SAMHD1: variants seen among roughly 807,000 people sequenced by gnomAD.
SAMHD1 encodes the protein deoxynucleoside triphosphate triphosphohydrolase SAMHD1.
In SAMHD1, 54 loss-of-function variants were observed where a neutral mutation model predicts 79.6. The observed-to-expected ratio is 0.68, with a 90% CI of 0.55 to 0.85. The LOEUF is 0.85. Ranked by LOEUF, SAMHD1 falls within the 40% of genes least tolerant of loss-of-function variation. SAMHD1 has a pLI of 0.00. For missense variants in SAMHD1, 663 were observed against 782.7 expected (o/e 0.85, Z 1.82); for synonymous variants, 260 against 264.1 (o/e 0.98, Z 0.15).
At chr20:36,902,802 A>C (rs1990329547) in intron 13 of SAMHD1, among the ~76,000 whole-genome samples, 1 of 150,512 alleles carries the variant, frequency 6.6e-6, no homozygotes, top group Non-Finnish European at 1.5e-5. Context: ...CAGTGGTGTG[A>C]TCTCGGCTCA....
intron 15 of SAMHD1, chr20:36,894,199 T>G (rs1472792295): frequency 8.0e-6 from 3 of 373,202 alleles, no homozygotes; most frequent in Non-Finnish European, 4.7e-6. Context: ...ACACTGGATC[T>G]GACTTGATAG....
chr20:36,919,576 G>T, intron 6 of SAMHD1, 57 bp from the exon 7 acceptor site: 3 of 1,525,584 alleles, frequency 2.0e-6, no homozygotes, highest in South Asian at 2.3e-5. Flanking sequence ...TGGGAGCCCT[G>T]ACTAACAAAA....
At position 36,930,678 on chromosome 20, in the gene SAMHD1, G is replaced by A; in HGVS notation, c.625+82C>T. 3.3e-6 allele frequency: 3 copies of A among 920,856 alleles called. No homozygotes were observed. In the South Asian group the frequency reaches 3.9e-5, roughly 12 times the overall value. 57.0% of individuals were successfully genotyped at this position (920,856 alleles called of 1,614,324 possible). A position where few individuals can be genotyped will look rare whatever the true frequency, so the allele number is the denominator to read the frequency against. Reference sequence around the variant, plus strand: ...AAAATACAATTTCCATATTCTCTTGGTTGATCTGATTTTTTAACGTCAAAG... The same window carrying A: ...AAAATACAATTTCCATATTCTCTTGATTGATCTGATTTTTTAACGTCAAAG... On this transcript the variant is annotated intron_variant, in intron 5 of 15. Transcript: ENST00000646673.
intron 3 of SAMHD1, among the ~76,000 whole-genome samples, chr20:36,939,838 T>C (rs928866431): frequency 2.0e-5 from 3 of 152,174 alleles, no homozygotes; most frequent in Non-Finnish European, 4.4e-5. Context: ...ATAAGGTCTA[T>C]TTCCTGTCAC....
At chr20:36,900,408 G>A (rs1291748020) in intron 13 of SAMHD1, among the ~76,000 whole-genome samples, 1 of 151,482 alleles carries the variant, frequency 6.6e-6, no homozygotes, top group African/African-American at 2.4e-5. Context: ...ACCACACCCA[G>A]CTAATTTTTG....
intron 1 of SAMHD1, among the ~76,000 whole-genome samples, chr20:36,948,736 G>A (rs2063711722): frequency 1.0e-5 from 1 of 100,174 alleles, no homozygotes; most frequent in South Asian, 4.9e-4. Flanking sequence ...GTGTGGTGGT[G>A]GGCACCTGTA....
intron 5 of SAMHD1, 24 bp downstream of exon 5, chr20:36,930,736 A>C (rs768024479): frequency 2.9e-5 from 43 of 1,497,952 alleles, no homozygotes; most frequent in Non-Finnish European, 3.6e-5. Context: ...TTACATAACA[A>C]CTTTGTCTCT....
At chr20:36,912,750 CATTTTTT>C (rs1568767285) in intron 9 of SAMHD1, among the ~76,000 whole-genome samples, 198 bp from the exon 10 acceptor site, 1 of 51,236 alleles carries the variant, frequency 2.0e-5, no homozygotes, top group African/African-American at 8.7e-5. Flanking sequence ...TTGCAACTTT[CATTTTTT>C]TTTTTTTTTT....
At chr20:36,934,941 A>T (rs985233287) in intron 4 of SAMHD1, 88 bp downstream of exon 4, 13 of 1,394,044 alleles carry the variant, frequency 9.3e-6, no homozygotes, top group African/African-American at 4.3e-5. Context: ...TATAGGTGTG[A>T]GCCACCATGC....
intron 11 of SAMHD1, among the ~76,000 whole-genome samples, chr20:36,908,629 CT>C (rs1482762289): frequency 6.6e-6 from 1 of 152,058 alleles, no homozygotes; most frequent in African/African-American, 2.4e-5. Flanking sequence ...TTTTACATGC[CT>C]TTTCCCCCCA....
At chr20:36,945,292 T>A (rs981799155) in intron 2 of SAMHD1, among the ~76,000 whole-genome samples, 4 of 152,194 alleles carry the variant, frequency 2.6e-5, no homozygotes, top group African/African-American at 9.6e-5. Flanking sequence ...TCATTATTGT[T>A]ATCCATTTTA....
At chr20:36,917,408 C>G (rs1450790439) in intron 7 of SAMHD1, among the ~76,000 whole-genome samples, 1 of 152,090 alleles carries the variant, frequency 6.6e-6, no homozygotes, top group Non-Finnish European at 1.5e-5. Context: ...AATCTCATCA[C>G]TTTGGGAGGC....
chr20:36,924,470 A>T (rs1418953253), intron 6 of SAMHD1, among the ~76,000 whole-genome samples: 18 of 152,202 alleles, frequency 1.2e-4, no homozygotes, highest in Admixed American at 1.1e-3. Flanking sequence ...AGGTGATCAC[A>T]AAGAGGAGGT....
chr20:36,894,399 AT>A (rs1333238135), intron 15 of SAMHD1, among the ~76,000 whole-genome samples: 1 of 151,246 alleles, frequency 6.6e-6, no homozygotes, highest in Non-Finnish European at 1.5e-5. Context: ...ACCATGGCTA[AT>A]TTTTGTATTT....
chr20:36,902,447 G>A (rs1008243632), intron 13 of SAMHD1, among the ~76,000 whole-genome samples: 1 of 152,138 alleles, frequency 6.6e-6, no homozygotes, highest in African/African-American at 2.4e-5. Flanking sequence ...CTCCCAAAGT[G>A]CTGGGATTGC....
Position 36,951,525 on chromosome 20 carries a change from G to A in SAMHD1, c.119C>T (p.Pro40Leu). 2 of 1,614,226 alleles carry A rather than the reference G, an allele frequency of 1.2e-6. No homozygotes were observed. The highest frequency in any genetic ancestry group is 1.7e-5 in the Admixed American group (1 of 60,034). ...CTCCGGACCCCATGTCTTGTAGTCG[G>A]GATGGAGTTCCAGGCCCGGGGACCA... is the stretch of plus-strand genomic sequence containing the variant. The part of the protein sequence containing the change: ...ADWSPGLELH[P>L]DYKTWGPEQV... Residue 40 changes from proline (P) to leucine (L), a missense_variant, in exon 1 of 16, where the codon CCC becomes CTC. Coordinates refer to ENST00000646673, the MANE Select transcript of SAMHD1 (RefSeq NM_015474.4).
chr20:36,892,736 T>C lies in SAMHD1; in HGVS notation c.*196A>G. ...ATAATATTAAAAATAGGCAAGGTAA[T>C]GCTTTTCATAGTATAGTAAGATTTG... On this transcript the variant is annotated 3_prime_UTR_variant, in exon 16 of 16. Coordinates refer to ENST00000646673, the MANE Select transcript of SAMHD1 (RefSeq NM_015474.4). 1 of 694,524 alleles carries C rather than the reference T, an allele frequency of 1.4e-6. No individual in the cohort carries two copies. Among genetic ancestry groups the C allele is most frequent in the Non-Finnish European group, 2.6e-6 (1 of 388,122 alleles). The allele number at this position is 694,524 out of a possible 1,614,324, so 43.0% of individuals were successfully genotyped here. A position where few individuals can be genotyped will look rare whatever the true frequency, so the allele number is the denominator to read the frequency against.
At position 36,934,040 on chromosome 20, in the gene SAMHD1, CA is replaced by C. The variant is rs1813724729; in HGVS notation, c.509+988del. 2.0e-5 allele frequency among the ~76,000 whole-genome samples: 3 copies of C among 148,994 alleles called. No homozygotes were observed. In the South Asian group the frequency reaches 6.4e-4, roughly 32 times the overall value. ...CAGCCTGGGCGACGGAGTGAGACTC[CA>C]TCTCAAAAAAAAAAAAAGTGCTGGG... On this transcript the variant is annotated intron_variant, in intron 4 of 15. Coordinates refer to ENST00000646673, the MANE Select transcript of SAMHD1 (RefSeq NM_015474.4).
chr20:36,899,295 T>G (rs1990258110), intron 13 of SAMHD1, among the ~76,000 whole-genome samples: 1 of 149,302 alleles, frequency 6.7e-6, no homozygotes, highest in Non-Finnish European at 1.5e-5. Flanking sequence ...AGACGTGGTG[T>G]TGTGCACCTG....
Sources: gnomAD v4.1 joint callset for allele counts (sites outside exome capture counted in the v4.1 genomes callset) on GRCh38, gnomAD v4.1.1 for gene constraint, MANE v1.5 for transcripts, NCBI Gene and HGNC (gene_info 2026-07-23, HGNC 2026-07-21) for gene names.